Variants in TARBP1 observed in about 807,000 individuals in gnomAD.
TARBP1 encodes tRNA guanosine 2 -O-methyltransferase TARBP1.
In TARBP1, 144 loss-of-function variants were observed where a neutral mutation model predicts 178.6. The ratio of observed to expected loss-of-function variants is 0.81; its 90% CI spans 0.70 to 0.93. The LOEUF is 0.93. Ranked by LOEUF, TARBP1 falls within the 40% of genes least tolerant of loss-of-function variation. The probability of loss-of-function intolerance (pLI) is 0.00; values close to 1 mark genes in which losing one functional copy is unlikely to be tolerated. For missense variants in TARBP1, 2,067 were observed against 2,011.7 expected (o/e 1.03, Z -0.53); for synonymous variants, 787 against 781.0 (o/e 1.01, Z -0.13).
At chr1:234,425,919 A>G in intron 19 of TARBP1, 126 bp from the exon 20 acceptor site, 1 of 674,606 alleles carries the variant, frequency 1.5e-6, no homozygotes, top group Non-Finnish European at 2.5e-6. Flanking sequence ...AAGTAGGTCC[A>G]TACTTAATGA....
rs1660373462 is a variant in TARBP1 at position 234,398,535 on chromosome 1, G to T, written c.4090C>A (p.Pro1364Thr). The change falls in exon 26 of 30, where the codon CCA becomes ACA. Residue 1364 changes from proline (P) to threonine (T), a missense_variant. By Grantham distance (38) the Pro-to-Thr change is conservative (BLOSUM62 -1). Coordinates refer to ENST00000040877, the MANE Select transcript of TARBP1 (RefSeq NM_005646.4). ...TCTTCAATAAGGCCTGAAAGGCGTG[G>T]AAGGATGTAAAATATGGTCTGAAAA... is the stretch of plus-strand genomic sequence containing the variant. ...YCLETIFYILPRLSGLIEDEW... is the reference protein window; with the variant it reads ...YCLETIFYILTRLSGLIEDEW... The T allele has an allele frequency of 6.3e-7, 1 of 1,590,800 alleles. No homozygotes were observed. Among genetic ancestry groups the T allele is most frequent in the East Asian group, 2.3e-5 (1 of 44,418 alleles).
At chr1:234,398,656 C>T (rs1022213774) in intron 25 of TARBP1, 103 bp from the exon 26 acceptor site, 2 of 854,370 alleles carry the variant, frequency 2.3e-6, no homozygotes, top group Non-Finnish European at 3.4e-6. Flanking sequence ...ATTCTCCAAA[C>T]TATTACATCT....
At chr1:234,466,943 C>T (rs1668500442) in intron 4 of TARBP1, among the ~76,000 whole-genome samples, 1 of 152,120 alleles carries the variant, frequency 6.6e-6, no homozygotes, top group African/African-American at 2.4e-5. Flanking sequence ...GATTACTCTA[C>T]CTAAGGAAGT....
chr1:234,473,216 G>C (rs2103310561), intron 1 of TARBP1, among the ~76,000 whole-genome samples: 1 of 152,258 alleles, frequency 6.6e-6, no homozygotes, highest in East Asian at 1.9e-4. Flanking sequence ...GTTGACAAAG[G>C]GAAAGCCAGG....
In TARBP1 at chr1:234,443,224, A is replaced by G. The variant is rs376195931; in HGVS notation, c.2134+3579T>C. Among the ~76,000 whole-genome samples, 67 of 151,456 alleles carry G rather than the reference A, an allele frequency of 4.4e-4. No homozygotes were observed. In the East Asian group the frequency reaches 0.012, roughly 27 times the overall value. ...ACAATCACTTGAACCCGGGAGGCAA[A>G]GGTTGCGGTGAGCCAAGATCGCACC... On this transcript the variant is annotated intron_variant, in intron 12 of 29. Transcript: ENST00000040877.
At chr1:234,435,781 C>T (rs984140639) in intron 13 of TARBP1, among the ~76,000 whole-genome samples, 1 of 152,134 alleles carries the variant, frequency 6.6e-6, no homozygotes, top group Non-Finnish European at 1.5e-5. Context: ...AGACAGGCAG[C>T]GGCGTAGCAG....
Position 234,467,525 on chromosome 1 carries a change from G to A in TARBP1, c.1225C>T (p.Pro409Ser). ...ACCTCAGAAAATTCTGGTGAAAATG[G>A]AAGAATCTTTGTTTCATACAGCTCC... ...FLELYETKIL[P>S]FSPEFSEFII... Residue 409 changes from proline to serine, a missense_variant, in exon 4 of 30, where the codon CCA becomes TCA. Transcript: ENST00000040877. The A allele has an allele frequency of 1.3e-6, 2 of 1,592,344 alleles. No homozygotes were observed. Among genetic ancestry groups the A allele is most frequent in the South Asian group, 2.3e-5 (2 of 86,416 alleles).
At position 234,391,361 on chromosome 1, in the gene TARBP1, T is replaced by C. The variant is rs985114568; in HGVS notation, c.*216A>G. ...TTTATTTCCACAATTGCTTAAAATA[T>C]TTTATTAAAGGAAGAATACAATTTA... On this transcript the variant is annotated 3_prime_UTR_variant, in exon 30 of 30. Transcript: ENST00000040877. 2.4e-6 allele frequency: 1 copy of C among 415,916 alleles called. No individual in the cohort carries two copies. Among genetic ancestry groups the C allele is most frequent in the Non-Finnish European group, 4.2e-6 (1 of 238,346 alleles). The allele number at this position is 415,916 out of a possible 1,614,324, so 25.8% of individuals were successfully genotyped here. A position where few individuals can be genotyped will look rare whatever the true frequency, so the allele number is the denominator to read the frequency against.
chr1:234,450,506 T>G lies in TARBP1; in HGVS notation c.1783A>C (p.Ile595Leu), dbSNP rs763290079. 17 of 1,611,998 alleles carry G rather than the reference T, an allele frequency of 1.1e-5. No individual in the cohort carries two copies. The highest frequency in any genetic ancestry group is 1.4e-5 in the Non-Finnish European group (16 of 1,179,350). Residue 595 changes from isoleucine (I) to leucine (L), a missense_variant, in exon 10 of 30, where the codon ATT (isoleucine) becomes CTT (leucine). Coordinates refer to ENST00000040877, the MANE Select transcript of TARBP1 (RefSeq NM_005646.4). The part of the protein sequence containing the change: ...YFKPSPTCSS[I>L]GLHKTSLNAY... ...TTTAAAGATGTCTTGTGAAGTCCAATGGAGCTACACGTAGGGGATGGCTTA... is the reference window on the plus strand; with the variant it reads ...TTTAAAGATGTCTTGTGAAGTCCAAGGGAGCTACACGTAGGGGATGGCTTA...
At chr1:234,401,700 A>C (rs935926233) in intron 24 of TARBP1, among the ~76,000 whole-genome samples, 1 of 152,238 alleles carries the variant, frequency 6.6e-6, no homozygotes, top group Admixed American at 6.5e-5. Context: ...TATGGCAGGC[A>C]GGTTTCAGAT....
intron 20 of TARBP1, among the ~76,000 whole-genome samples, chr1:234,422,817 G>A (rs958466002): frequency 1.3e-5 from 2 of 152,174 alleles, no homozygotes; most frequent in Admixed American, 6.5e-5. Flanking sequence ...ATTACACATT[G>A]TATGCCTATA....
At chr1:234,410,251 T>C (rs1269590655) in intron 23 of TARBP1, among the ~76,000 whole-genome samples, 194 bp downstream of exon 23, 1 of 152,192 alleles carries the variant, frequency 6.6e-6, no homozygotes, top group African/African-American at 2.4e-5. Flanking sequence ...CACACCTCAG[T>C]GTGTATGCAT....
At chr1:234,450,365 T>C (rs1450147517) in intron 10 of TARBP1, 63 bp downstream of exon 10, 3 of 1,356,316 alleles carry the variant, frequency 2.2e-6, no homozygotes, top group Admixed American at 2.6e-5. Flanking sequence ...TCTGAAAAAC[T>C]AGTTAAAAGT....
intron 17 of TARBP1, among the ~76,000 whole-genome samples, chr1:234,428,264 T>G (rs950852344): frequency 3.9e-5 from 6 of 152,128 alleles, no homozygotes; most frequent in Non-Finnish European, 8.8e-5. Context: ...CCTATCTCAG[T>G]AGCTGCAAAT....
chr1:234,457,598 T>C, intron 9 of TARBP1, 69 bp downstream of exon 9: 1 of 1,052,090 alleles, frequency 9.5e-7, no homozygotes, highest in Non-Finnish European at 1.4e-6. Flanking sequence ...AAATGGCTAC[T>C]AAGAAATTCA....
At chr1:234,403,421 T>C (rs1320766022) in intron 24 of TARBP1, among the ~76,000 whole-genome samples, 1 of 152,222 alleles carries the variant, frequency 6.6e-6, no homozygotes, top group African/African-American at 2.4e-5. Context: ...CAGTCTGTAT[T>C]TCCTCATCAC....
In TARBP1 at chr1:234,454,140, A is replaced by G. The variant is rs192238473; in HGVS notation, c.1722+3527T>C. Among the ~76,000 whole-genome samples the G allele has an allele frequency of 3.9e-5, 6 of 152,346 alleles. No individual in the cohort carries two copies. The East Asian group carries it at 1.2e-3, about 29-fold the overall frequency. On this transcript the variant is annotated intron_variant, in intron 9 of 29. Transcript: ENST00000040877. Reference sequence around the variant, plus strand: ...ATTAAATATGGGCTAACCGTAGCCTAAAGCTTTTTTACATGAATTTTCTCT... The same window carrying G: ...ATTAAATATGGGCTAACCGTAGCCTGAAGCTTTTTTACATGAATTTTCTCT...
chr1:234,392,713 CTTT>C (rs373165088), intron 28 of TARBP1, 161 bp from the exon 29 acceptor site: 1,184 of 339,076 alleles, frequency 3.5e-3, no homozygotes, highest in South Asian at 6.7e-3. Context: ...ACATCAATTT[CTTT>C]TTTTTTTTTT....
At chr1:234,430,882 A>C (rs955462823) in intron 14 of TARBP1, among the ~76,000 whole-genome samples, 3 of 152,164 alleles carry the variant, frequency 2.0e-5, no homozygotes, top group Non-Finnish European at 4.4e-5. Flanking sequence ...GTGTAGACAT[A>C]CTACACCTTA....
Sources: gnomAD v4.1 joint callset for allele counts (sites outside exome capture counted in the v4.1 genomes callset) on GRCh38, gnomAD v4.1.1 for gene constraint, MANE v1.5 for transcripts, NCBI Gene and HGNC (gene_info 2026-07-23, HGNC 2026-07-21) for gene names.